The following HIPK3 variants were observed in gnomAD, a reference collection of about 807,000 sequenced individuals.
HIPK3 encodes the protein homeodomain-interacting protein kinase 3.
HIPK3 carries 47 observed loss-of-function variants against 124.2 expected under a neutral mutation model. That is an observed-to-expected ratio of 0.38 (90% confidence interval 0.30 to 0.48). The LOEUF (loss-of-function observed/expected upper bound fraction) is 0.48, where lower values mean the gene tolerates loss of function less well. Among genes scored for constraint, HIPK3 ranks in the 20% least tolerant of loss-of-function variants. The probability of loss-of-function intolerance (pLI) is 0.98; values close to 1 mark genes in which losing one functional copy is unlikely to be tolerated. For missense variants in HIPK3, 1,286 were observed against 1,454.3 expected, an observed-to-expected ratio of 0.88 and a Z score of 1.88; for synonymous variants, 482 against 515.2, an observed-to-expected ratio of 0.94 and a Z score of 0.87.
chr11:33,332,879 T>A (rs1339250229), intron 3 of HIPK3, among the ~76,000 whole-genome samples: 3 of 152,108 alleles, frequency 2.0e-5, no homozygotes, highest in East Asian at 3.9e-4. Flanking sequence ...GGCTCCAGCA[T>A]GTGCTTCTGG....
intron 1 of HIPK3, among the ~76,000 whole-genome samples, chr11:33,264,731 G>A (rs909212912): frequency 9.9e-5 from 15 of 152,008 alleles, no homozygotes; most frequent in Non-Finnish European, 1.8e-4. Context: ...CCCCTACTTG[G>A]TTGTATATTA....
chr11:33,318,747 A>G (rs151031327), intron 2 of HIPK3, among the ~76,000 whole-genome samples: 1,829 of 152,354 alleles, frequency 0.012, 41 homozygotes, highest in African/African-American at 0.041. Flanking sequence ...GGAACATAAC[A>G]AATGTTTTCT....
At position 33,258,806 on chromosome 11, in the gene HIPK3, C is replaced by G. The variant is rs1231133824; in HGVS notation, c.-3+917C>G. On this transcript the variant is annotated intron_variant, in intron 1 of 16. Transcript: ENST00000303296. ...TGTTACAGAGTAGTCGTAACACGTT[C>G]AGGCCTTGAACCGTGTTTTCACAAC... 3.5e-6 allele frequency: 3 copies of G among 850,308 alleles called. No individual in the cohort carries two copies. The African/African-American group carries it at 5.5e-5, about 16-fold the overall frequency. 52.7% of individuals were successfully genotyped at this position (850,308 alleles called of 1,614,324 possible). A position where few individuals can be genotyped will look rare whatever the true frequency, so the allele number is the denominator to read the frequency against.
chr11:33,261,196 AAT>A (rs907378505), intron 1 of HIPK3, among the ~76,000 whole-genome samples: 2 of 147,366 alleles, frequency 1.4e-5, no homozygotes, highest in South Asian at 2.1e-4. Context: ...ATTATATATA[AAT>A]ATATATGTAT....
intron 1 of HIPK3, among the ~76,000 whole-genome samples, chr11:33,266,889 A>C (rs892811906): frequency 6.6e-6 from 1 of 152,144 alleles, no homozygotes; most frequent in African/African-American, 2.4e-5. Flanking sequence ...CTGTATGTTA[A>C]TTTAAATAAA....
chr11:33,281,120 A>G lies in HIPK3; in HGVS notation c.-2-5293A>G, dbSNP rs914632230. ...AGTCTTGCTCTGTCGCCCAGGCTGG[A>G]GTGCAGTGGCACGATCTTGGCTCAC... On this transcript the variant is annotated intron_variant, in intron 1 of 16. Coordinates refer to ENST00000303296, the MANE Select transcript of HIPK3 (RefSeq NM_005734.5). Among the ~76,000 whole-genome samples, 12 of 132,590 alleles carry G rather than the reference A, an allele frequency of 9.1e-5. No individual in the cohort carries two copies. The Admixed American group carries it at 1.1e-3, about 12-fold the overall frequency. The allele number at this position is 132,590 out of a possible 152,430, so 87.0% of individuals were successfully genotyped here.
intron 2 of HIPK3, among the ~76,000 whole-genome samples, chr11:33,311,909 C>A (rs1234325843): frequency 9.0e-5 from 2 of 22,204 alleles, no homozygotes; most frequent in Non-Finnish European, 9.9e-5. Context: ...GACCCTGTTT[C>A]TACACACACA....
intron 2 of HIPK3, among the ~76,000 whole-genome samples, chr11:33,295,268 G>GCC (rs1851808346): frequency 7.4e-6 from 1 of 135,062 alleles, no homozygotes; most frequent in Admixed American, 7.6e-5. Flanking sequence ...GAGAGAAGCA[G>GCC]CCACCACCGC....
intron 2 of HIPK3, among the ~76,000 whole-genome samples, chr11:33,319,204 A>G (rs1193220178): frequency 1.3e-5 from 2 of 152,218 alleles, no homozygotes; most frequent in African/African-American, 2.4e-5. Flanking sequence ...TCTGTTTTTA[A>G]AACATTTTCT....
chr11:33,338,809 A>G lies in HIPK3; in HGVS notation c.1394A>G (p.Lys465Arg), dbSNP rs748875250. The G allele has an allele frequency of 6.2e-7, 1 of 1,613,200 alleles. No individual in the cohort carries two copies. Among genetic ancestry groups the G allele is most frequent in the Non-Finnish European group, 8.5e-7 (1 of 1,179,362 alleles). Residue 465 changes from lysine (K) to arginine (R), a missense_variant, in exon 5 of 17, where the codon AAA becomes AGA. Around this residue, in one of 3 missense-constraint regions of HIPK3, gnomAD observed 251 missense variants for 349.1 expected, o/e 0.72. Coordinates refer to ENST00000303296, the MANE Select transcript of HIPK3 (RefSeq NM_005734.5). Reference sequence around the variant, plus strand: ...GGAATGAAGTCTAAAGAAGCCAGAAAATACATTTTCAACAGTCTGGATGAT... The same window carrying G: ...GGAATGAAGTCTAAAGAAGCCAGAAGATACATTTTCAACAGTCTGGATGAT... ...ETGMKSKEAR[K>R]YIFNSLDDVA...
At chr11:33,335,088 T>TTCC (rs1376005317) in intron 3 of HIPK3, among the ~76,000 whole-genome samples, 1 of 152,168 alleles carries the variant, frequency 6.6e-6, no homozygotes, top group African/African-American at 2.4e-5. Flanking sequence ...GTGGATGGTG[T>TTCC]TGCTATTAAC....
intron 1 of HIPK3, among the ~76,000 whole-genome samples, chr11:33,267,564 C>T (rs1025838672): frequency 1.3e-5 from 2 of 151,532 alleles, no homozygotes; most frequent in African/African-American, 2.4e-5. Flanking sequence ...GGCGTGATCT[C>T]GGCTCACTGC....
At chr11:33,280,487 T>A (rs1250971419) in intron 1 of HIPK3, among the ~76,000 whole-genome samples, 7 of 152,232 alleles carry the variant, frequency 4.6e-5, no homozygotes, top group Non-Finnish European at 4.4e-5. Context: ...TCTTTTCTTA[T>A]GGTCTTTTAT....
At chr11:33,328,040 T>C (rs1852861972) in intron 2 of HIPK3, among the ~76,000 whole-genome samples, 1 of 152,234 alleles carries the variant, frequency 6.6e-6, no homozygotes, top group Non-Finnish European at 1.5e-5. Flanking sequence ...TAGGTAAATA[T>C]TTATTACTGT....
chr11:33,295,956 A>G (rs1851833550), intron 2 of HIPK3, among the ~76,000 whole-genome samples: 1 of 152,206 alleles, frequency 6.6e-6, no homozygotes, highest in Non-Finnish European at 1.5e-5. Flanking sequence ...CTTATCTTGT[A>G]TTCACTGACC....
At chr11:33,257,330 C>A (rs1246038718), upstream of HIPK3, 12 of 983,942 alleles carry the variant, frequency 1.2e-5, no homozygotes, top group East Asian at 1.4e-3. Flanking sequence ...GCTGCGGAGG[C>A]GGTGGCCGAG....
chr11:33,287,455 G>A lies in HIPK3; in HGVS notation c.1041G>A (p.Ser347=), dbSNP rs763706234. 9.9e-6 allele frequency: 16 copies of A among 1,613,758 alleles called. No homozygotes were observed. In the East Asian group the frequency reaches 2.0e-4, roughly 20 times the overall value. Residue 347 remains serine (S), a synonymous_variant, in exon 2 of 17, where the codon TCG becomes TCA. Coordinates refer to ENST00000303296, the MANE Select transcript of HIPK3 (RefSeq NM_005734.5). ...PYRVKVIDFG[S]ASHVSKTVCS... ...GGGTTAAAGTAATAGACTTTGGGTCGGCCAGTCATGTATCAAAGACTGTTT... is the reference window on the plus strand; with the variant it reads ...GGGTTAAAGTAATAGACTTTGGGTCAGCCAGTCATGTATCAAAGACTGTTT...
chr11:33,275,004 C>G (rs1279372688), intron 1 of HIPK3, among the ~76,000 whole-genome samples: 1 of 152,056 alleles, frequency 6.6e-6, no homozygotes, highest in Non-Finnish European at 1.5e-5. Context: ...TTAAGTTTTA[C>G]AATGTATGGT....
chr11:33,307,519 C>T (rs1852199090), intron 2 of HIPK3, among the ~76,000 whole-genome samples: 1 of 151,456 alleles, frequency 6.6e-6, no homozygotes, highest in Non-Finnish European at 1.5e-5. Context: ...CTGCCTTAGC[C>T]CCCCGAGTAG....
Sources: gnomAD v4.1 joint callset for allele counts (sites outside exome capture counted in the v4.1 genomes callset) on GRCh38, gnomAD v4.1.1 for gene constraint, gnomAD v4.1.1 regional missense constraint, MANE v1.5 for transcripts, NCBI Gene and HGNC (gene_info 2026-07-23, HGNC 2026-07-21) for gene names.